The following NDUFAF2 variants were observed in gnomAD, a reference collection of about 807,000 sequenced individuals.
The protein encoded by NDUFAF2 is NADH:ubiquinone oxidoreductase complex assembly factor 2.
A neutral mutation model predicts 22.8 loss-of-function variants in NDUFAF2; 13 were observed. That is an observed-to-expected ratio of 0.57 (90% CI 0.37 to 0.91). The LOEUF (loss-of-function observed/expected upper bound fraction) is 0.91. Ranked by LOEUF, NDUFAF2 falls within the 40% of genes least tolerant of loss-of-function variation. NDUFAF2 has a pLI of 0.01. For missense variants in NDUFAF2, 162 were observed against 195.2 expected, an observed-to-expected ratio of 0.83 and a Z score of 1.01; for synonymous variants, 53 against 64.2, an observed-to-expected ratio of 0.83 and a Z score of 0.84.
intron 1 of NDUFAF2, among the ~76,000 whole-genome samples, chr5:60,957,865 G>T (rs1022658114): frequency 6.6e-6 from 1 of 152,058 alleles, no homozygotes; most frequent in Non-Finnish European, 1.5e-5. Flanking sequence ...TGTTCTTTTG[G>T]TGTTTTCTTT....
chr5:60,998,256 A>G (rs1007476664), intron 1 of NDUFAF2, among the ~76,000 whole-genome samples: 1 of 152,140 alleles, frequency 6.6e-6, no homozygotes, highest in Non-Finnish European at 1.5e-5. Context: ...ACTGATACTG[A>G]AGAAACAAAA....
At chr5:61,051,861 T>G (rs1337449107) in intron 1 of NDUFAF2, among the ~76,000 whole-genome samples, 1 of 152,156 alleles carries the variant, frequency 6.6e-6, no homozygotes, top group East Asian at 1.9e-4. Flanking sequence ...AAACTCTGAT[T>G]AGCTATGCAT....
rs570235686 is a variant in NDUFAF2, at chr5:60,989,085, A to G, written c.127+43703A>G. Among the ~76,000 whole-genome samples, 136 of 151,768 alleles carry G rather than the reference A, an allele frequency of 9.0e-4. No individual in the cohort carries two copies. In the South Asian group the frequency reaches 9.1e-3, roughly 10 times the overall value. Reference sequence around the variant, plus strand: ...GGAAAATTAAAATTAAACAAATTTTATAAGCAAAACCCAAACACATGAACA... The same window carrying G: ...GGAAAATTAAAATTAAACAAATTTTGTAAGCAAAACCCAAACACATGAACA... On this transcript the variant is annotated intron_variant, in intron 1 of 3. Transcript: ENST00000296597.
chr5:60,953,195 A>G (rs1313702084), intron 1 of NDUFAF2, among the ~76,000 whole-genome samples: 1 of 152,142 alleles, frequency 6.6e-6, no homozygotes, highest in Non-Finnish European at 1.5e-5. Flanking sequence ...AAAGCCATTG[A>G]TAAAGAGAAA....
chr5:61,134,008 G>A (rs1220928150), intron 3 of NDUFAF2, among the ~76,000 whole-genome samples: 2 of 152,162 alleles, frequency 1.3e-5, no homozygotes, highest in East Asian at 3.8e-4. Flanking sequence ...TGTAATAGTA[G>A]TAGTAAATAC....
intron 3 of NDUFAF2, among the ~76,000 whole-genome samples, chr5:61,111,905 A>C (rs772477761): frequency 1.3e-5 from 2 of 151,888 alleles, no homozygotes; most frequent in Non-Finnish European, 2.9e-5. Context: ...GGTGTGAGCC[A>C]CCGTGCCCAG....
intron 3 of NDUFAF2, among the ~76,000 whole-genome samples, chr5:61,131,222 G>T (rs1753108012): frequency 6.6e-6 from 1 of 150,402 alleles, no homozygotes; most frequent in South Asian, 2.1e-4. Flanking sequence ...TTGAGGCAGG[G>T]TCTCACTTTC....
intron 1 of NDUFAF2, among the ~76,000 whole-genome samples, chr5:60,956,294 G>A (rs965087849): frequency 6.6e-6 from 1 of 152,094 alleles, no homozygotes; most frequent in Non-Finnish European, 1.5e-5. Context: ...ATTTCTATAT[G>A]TAAGGTCATC....
At chr5:61,018,760 A>G (rs1468147862) in intron 1 of NDUFAF2, among the ~76,000 whole-genome samples, 3 of 152,114 alleles carry the variant, frequency 2.0e-5, no homozygotes, top group African/African-American at 7.2e-5. Context: ...AGTAATGGAA[A>G]CTTTAAATAA....
At chr5:61,059,098 A>G (rs958499886) in intron 1 of NDUFAF2, among the ~76,000 whole-genome samples, 1 of 152,102 alleles carries the variant, frequency 6.6e-6, no homozygotes, top group African/African-American at 2.4e-5. Context: ...ATGGAAGGGA[A>G]GTAAATGAAG....
At chr5:60,966,222 T>G (rs1168299995) in intron 1 of NDUFAF2, among the ~76,000 whole-genome samples, 1 of 152,000 alleles carries the variant, frequency 6.6e-6, no homozygotes, top group African/African-American at 2.4e-5. Flanking sequence ...CAGTTATTAG[T>G]TTTTTTTCCT....
chr5:61,046,532 G>A (rs1468778054), intron 1 of NDUFAF2, among the ~76,000 whole-genome samples: 1 of 151,894 alleles, frequency 6.6e-6, no homozygotes, highest in Non-Finnish European at 1.5e-5. Context: ...GGTAGGTTGT[G>A]TCTCTTATAT....
chr5:61,047,535 G>A (rs1751968701), intron 1 of NDUFAF2, among the ~76,000 whole-genome samples: 1 of 152,136 alleles, frequency 6.6e-6, no homozygotes, highest in Admixed American at 6.6e-5. Flanking sequence ...TGAGTTAGGG[G>A]CTGACCTCAG....
At chr5:60,976,512 G>A (rs1750905017) in intron 1 of NDUFAF2, among the ~76,000 whole-genome samples, 1 of 152,074 alleles carries the variant, frequency 6.6e-6, no homozygotes. Context: ...GAAGGAAATG[G>A]ACCCCAAGGG....
At chr5:60,965,902 T>C (rs1250904343) in intron 1 of NDUFAF2, among the ~76,000 whole-genome samples, 1 of 152,208 alleles carries the variant, frequency 6.6e-6, no homozygotes, top group East Asian at 1.9e-4. Context: ...GATTGCTAGA[T>C]CATATGGTAG....
At chr5:61,096,325 G>T (rs1032935998) in intron 2 of NDUFAF2, among the ~76,000 whole-genome samples, 1 of 152,168 alleles carries the variant, frequency 6.6e-6, no homozygotes, top group African/African-American at 2.4e-5. Context: ...AGTTGGCCAG[G>T]TGTGGTGGCT....
intron 1 of NDUFAF2, among the ~76,000 whole-genome samples, chr5:61,031,201 C>T (rs1751719231): frequency 6.6e-6 from 1 of 152,036 alleles, no homozygotes; most frequent in Non-Finnish European, 1.5e-5. Flanking sequence ...TTTTGGGATA[C>T]ATGTGCAGAA....
intron 3 of NDUFAF2, among the ~76,000 whole-genome samples, chr5:61,100,751 G>A (rs1291831581): frequency 1.3e-5 from 2 of 151,856 alleles, no homozygotes; most frequent in African/African-American, 2.4e-5. Flanking sequence ...GCTTTCCCAC[G>A]CCCCACATAA....
At chr5:61,108,114 G>A (rs1430503263) in intron 3 of NDUFAF2, among the ~76,000 whole-genome samples, 1 of 148,770 alleles carries the variant, frequency 6.7e-6, no homozygotes, top group Non-Finnish European at 1.5e-5. Flanking sequence ...TGGACATTTG[G>A]GTTGGTTCCA....
Sources: allele counts gnomAD v4.1 joint callset (sites outside exome capture counted in the v4.1 genomes callset), GRCh38; gene constraint gnomAD v4.1.1; transcripts MANE v1.5; gene names NCBI Gene and HGNC (gene_info 2026-07-23, HGNC 2026-07-21).